DOCK2: variants seen among roughly 807,000 people sequenced by gnomAD.
The protein encoded by DOCK2 is dedicator of cytokinesis 2.
A neutral mutation model predicts 248.9 loss-of-function variants in DOCK2; 87 were observed. That is an observed-to-expected ratio of 0.35 (90% CI 0.29 to 0.42). DOCK2 has a LOEUF of 0.42. Ranked by LOEUF, DOCK2 falls within the 10% of genes least tolerant of loss-of-function variation. The pLI, the probability that DOCK2 is intolerant of heterozygous loss-of-function variation, is 1.00. For missense variants in DOCK2, 1,747 were observed against 2,300.2 expected (o/e 0.76, Z 4.92); for synonymous variants, 805 against 821.6 (o/e 0.98, Z 0.35).
intron 27 of DOCK2, among the ~76,000 whole-genome samples, chr5:169,868,116 G>C (rs1271467238): frequency 6.6e-6 from 1 of 152,176 alleles, no homozygotes; most frequent in Non-Finnish European, 1.5e-5. Context: ...AGATTTTCTT[G>C]TACAAAACAT....
At chr5:169,726,950 C>T (rs1036134160) in intron 22 of DOCK2, among the ~76,000 whole-genome samples, 3 of 151,594 alleles carry the variant, frequency 2.0e-5, no homozygotes, top group Non-Finnish European at 4.4e-5. Context: ...TAGCCAGGTG[C>T]GGTGGCTACT....
intron 27 of DOCK2, among the ~76,000 whole-genome samples, chr5:169,847,694 G>A (rs1330560547): frequency 6.6e-6 from 1 of 152,142 alleles, no homozygotes; most frequent in Non-Finnish European, 1.5e-5. Context: ...ACCTAAAATA[G>A]ATTTTGCTCA....
chr5:169,989,836 C>T (rs946715184), intron 29 of DOCK2, among the ~76,000 whole-genome samples: 3 of 152,198 alleles, frequency 2.0e-5, no homozygotes, highest in Non-Finnish European at 4.4e-5. Flanking sequence ...GCAAGCGCTT[C>T]ATAAATGTTA....
At chr5:169,938,041 T>C (rs1776071814) in intron 27 of DOCK2, among the ~76,000 whole-genome samples, 2 of 152,238 alleles carry the variant, frequency 1.3e-5, no homozygotes, top group Admixed American at 6.5e-5. Flanking sequence ...CCATTAAGTT[T>C]TGAAAGAGCC....
intron 26 of DOCK2, among the ~76,000 whole-genome samples, chr5:169,835,023 G>C (rs954944633): frequency 6.6e-6 from 1 of 152,152 alleles, no homozygotes; most frequent in African/African-American, 2.4e-5. Flanking sequence ...AGGAATCTTG[G>C]ATTTTTCCAA....
chr5:169,747,204 T>C (rs558500367), intron 22 of DOCK2, among the ~76,000 whole-genome samples, 192 bp from the exon 23 acceptor site: 1 of 152,296 alleles, frequency 6.6e-6, no homozygotes, highest in East Asian at 1.9e-4. Flanking sequence ...GGGTTTCTGT[T>C]GGGTATGGTG....
At position 169,726,077 on chromosome 5, in the gene DOCK2, G is replaced by A. The variant is rs563440238; in HGVS notation, c.2267+7286G>A. On this transcript the variant is annotated intron_variant, in intron 22 of 51. Coordinates refer to ENST00000520908, the MANE Select transcript of DOCK2 (RefSeq NM_004946.3). ...TCTGGTTCTAGATCCTTGAGGAATC[G>A]CCACACTGTCTTCCACAATGATTGA... 5.9e-5 allele frequency among the ~76,000 whole-genome samples: 9 copies of A among 152,134 alleles called. No homozygotes were observed. In the East Asian group the frequency reaches 1.5e-3, roughly 26 times the overall value.
chr5:169,799,688 G>A (rs1766851054), intron 25 of DOCK2, among the ~76,000 whole-genome samples: 1 of 152,134 alleles, frequency 6.6e-6, no homozygotes, highest in African/African-American at 2.4e-5. Context: ...TTTAACTTAA[G>A]TAATAGGGTA....
intron 32 of DOCK2, 72 bp from the exon 33 acceptor site, chr5:170,018,888 C>T: frequency 1.3e-6 from 2 of 1,547,132 alleles, no homozygotes; most frequent in Admixed American, 2.0e-5. Flanking sequence ...TTTTCTTTCC[C>T]CAGGCTTGGT....
chr5:169,886,296 T>C (rs376722752), intron 27 of DOCK2, among the ~76,000 whole-genome samples: 1 of 152,304 alleles, frequency 6.6e-6, no homozygotes, highest in East Asian at 1.9e-4. Context: ...CATTGTCACA[T>C]ACCTCTCTGA....
chr5:170,010,109 G>T (rs1001123793), intron 32 of DOCK2, among the ~76,000 whole-genome samples: 1 of 152,128 alleles, frequency 6.6e-6, no homozygotes, highest in Non-Finnish European at 1.5e-5. Flanking sequence ...CCACATCAGA[G>T]TTTTTATCAT....
At chr5:169,654,584 T>C in intron 2 of DOCK2, 98 bp downstream of exon 2, 1 of 1,247,338 alleles carries the variant, frequency 8.0e-7, no homozygotes, top group East Asian at 2.4e-5. Context: ...CCTGCAACTG[T>C]GTGGTCTATT....
intron 27 of DOCK2, among the ~76,000 whole-genome samples, chr5:169,855,419 G>C (rs977542348): frequency 6.6e-6 from 1 of 152,208 alleles, no homozygotes; most frequent in African/African-American, 2.4e-5. Context: ...AGGAGATGGG[G>C]TTGGGGGAAG....
intron 48 of DOCK2, among the ~76,000 whole-genome samples, chr5:170,078,221 G>A (rs768178873): frequency 3.0e-4 from 46 of 152,268 alleles, no homozygotes; most frequent in Middle Eastern, 3.4e-3. Flanking sequence ...ACGATGGGAT[G>A]TCTCCATTGC....
At chr5:169,745,166 C>T (rs1205063642) in intron 22 of DOCK2, among the ~76,000 whole-genome samples, 1 of 152,160 alleles carries the variant, frequency 6.6e-6, no homozygotes, top group African/African-American at 2.4e-5. Context: ...CAAAGAAAGA[C>T]AAACAGTGTG....
rs575833783 is a variant in DOCK2 at position 170,011,990 on chromosome 5, G to A, written c.3232+3244G>A. Among the ~76,000 whole-genome samples, 20 of 152,310 alleles carry A rather than the reference G, an allele frequency of 1.3e-4. 2 individuals carry two copies. The South Asian group carries it at 4.1e-3, about 32-fold the overall frequency. ...GTTTAGTCATGGTAGTCAGATTTCTGTTGCATCCTTAACTGATACATCATC... is the reference window on the plus strand; with the variant it reads ...GTTTAGTCATGGTAGTCAGATTTCTATTGCATCCTTAACTGATACATCATC... On this transcript the variant is annotated intron_variant, in intron 32 of 51. Coordinates refer to ENST00000520908, the MANE Select transcript of DOCK2 (RefSeq NM_004946.3).
At chr5:169,674,742 T>C (rs1287907161) in intron 6 of DOCK2, among the ~76,000 whole-genome samples, 3 of 152,206 alleles carry the variant, frequency 2.0e-5, no homozygotes, top group African/African-American at 7.2e-5. Flanking sequence ...CTGGTTCACT[T>C]TCAGCTTAGT....
At position 170,082,340 on chromosome 5, in the gene DOCK2, G is replaced by A. The variant is rs569088159; in HGVS notation, c.5430+356G>A. On this transcript the variant is annotated intron_variant, in intron 51 of 51. Transcript: ENST00000520908. The stretch of plus-strand genomic sequence containing the variant: ...ACAAATTGAACATTAGTTTCCAAGC[G>A]CTGATTCTGCAAGTCCCATCTCCTA... Among the ~76,000 whole-genome samples, 30 of 152,206 alleles carry A rather than the reference G, an allele frequency of 2.0e-4. No individual in the cohort carries two copies. In the Middle Eastern group the frequency reaches 0.014, roughly 70 times the overall value.
chr5:169,953,329 T>A (rs1236576894), intron 27 of DOCK2, among the ~76,000 whole-genome samples: 1 of 121,668 alleles, frequency 8.2e-6, no homozygotes, highest in Non-Finnish European at 1.7e-5. Context: ...CAAGACTCTA[T>A]CTCAAAAAAA....
Sources: allele counts gnomAD v4.1 joint callset (sites outside exome capture counted in the v4.1 genomes callset), GRCh38; gene constraint gnomAD v4.1.1; transcripts MANE v1.5; gene names NCBI Gene and HGNC (gene_info 2026-07-23, HGNC 2026-07-21).